Variants in MEIS2 observed in about 807,000 individuals in gnomAD.
MEIS2 encodes Meis homeobox 2.
Under a neutral mutation model 58.6 loss-of-function variants are expected in MEIS2, and 9 were observed. The ratio of observed to expected loss-of-function variants is 0.15; its 90% CI spans 0.09 to 0.27. The LOEUF is 0.27. Among genes scored for constraint, MEIS2 ranks in the 10% least tolerant of loss-of-function variants. MEIS2 has a pLI of 1.00. For missense variants in MEIS2, 427 were observed against 635.0 expected (o/e 0.67, Z 3.52); for synonymous variants, 221 against 228.4 (o/e 0.97, Z 0.29).
chr15:36,924,145 A>G (rs964597623), intron 9 of MEIS2, among the ~76,000 whole-genome samples: 1 of 152,206 alleles, frequency 6.6e-6, no homozygotes, highest in Non-Finnish European at 1.5e-5. Context: ...TTCATAAGCA[A>G]GAGTAGATAT....
At chr15:37,029,753 A>AT (rs2061840928) in intron 8 of MEIS2, among the ~76,000 whole-genome samples, 1 of 152,228 alleles carries the variant, frequency 6.6e-6, no homozygotes, top group Non-Finnish European at 1.5e-5. Context: ...CCAATCAGCT[A>AT]AATAGGGCAG....
At chr15:37,023,074 A>C (rs1016938114) in intron 8 of MEIS2, among the ~76,000 whole-genome samples, 9 of 152,162 alleles carry the variant, frequency 5.9e-5, no homozygotes, top group African/African-American at 2.2e-4. Context: ...TATTTTGTAT[A>C]TGCTGTTTTC....
chr15:36,892,840 C>T (rs1308231218), intron 11 of MEIS2, among the ~76,000 whole-genome samples: 3 of 152,050 alleles, frequency 2.0e-5, no homozygotes, highest in African/African-American at 4.8e-5. Flanking sequence ...TAGACCTGGA[C>T]AAAAATTGTA....
At chr15:36,913,995 T>C (rs1455437872) in intron 9 of MEIS2, among the ~76,000 whole-genome samples, 1 of 152,224 alleles carries the variant, frequency 6.6e-6, no homozygotes, top group Non-Finnish European at 1.5e-5. Context: ...CCATAGTTTC[T>C]TGGCCACTTC....
chr15:36,917,358 T>C (rs906621041), intron 9 of MEIS2, among the ~76,000 whole-genome samples: 1 of 152,162 alleles, frequency 6.6e-6, no homozygotes, highest in African/African-American at 2.4e-5. Flanking sequence ...TGGAATTCTG[T>C]AGTGGTTGGC....
intron 8 of MEIS2, among the ~76,000 whole-genome samples, chr15:37,028,335 C>A (rs2061781620): frequency 6.6e-6 from 1 of 152,212 alleles, no homozygotes; most frequent in African/African-American, 2.4e-5. Context: ...ACCATGTGAA[C>A]AAAGGCTGCT....
At chr15:37,063,992 T>C (rs557840384) in intron 7 of MEIS2, among the ~76,000 whole-genome samples, 1 of 152,308 alleles carries the variant, frequency 6.6e-6, no homozygotes, top group East Asian at 1.9e-4. Context: ...AAACGATTTT[T>C]TTGTCCCATA....
chr15:36,955,906 G>A (rs750670374), intron 8 of MEIS2, among the ~76,000 whole-genome samples: 35 of 151,396 alleles, frequency 2.3e-4, no homozygotes, highest in East Asian at 9.7e-4. Context: ...GGCCGGGTGC[G>A]GTGGCTCATG....
At chr15:37,079,936 T>G (rs1383490557) in intron 7 of MEIS2, among the ~76,000 whole-genome samples, 1 of 152,142 alleles carries the variant, frequency 6.6e-6, no homozygotes, top group Non-Finnish European at 1.5e-5. Context: ...CAGCAGTTAC[T>G]GGGCCAACTG....
chr15:37,008,793 A>G (rs1326766327), intron 8 of MEIS2, among the ~76,000 whole-genome samples: 2 of 152,230 alleles, frequency 1.3e-5, no homozygotes, highest in Non-Finnish European at 2.9e-5. Flanking sequence ...CATAAGTGCC[A>G]GAACGCATTA....
chr15:36,914,143 A>G lies in MEIS2; in HGVS notation c.978-17457T>C, dbSNP rs74011016. Among the ~76,000 whole-genome samples the G allele has an allele frequency of 9.2e-3, 1,404 of 152,322 alleles. 17 individuals carry two copies. Among genetic ancestry groups the G allele is most frequent in the African/African-American group, 0.03 (1,266 of 41,582 alleles). ...TACACCCCACTGTTGGTCTCTGAGC[A>G]GCACTAGCCACCAACAGTACTGAAA... On this transcript the variant is annotated intron_variant, in intron 9 of 11. Coordinates refer to ENST00000561208, the MANE Select transcript of MEIS2 (RefSeq NM_170675.5).
At chr15:37,096,616 T>A in intron 2 of MEIS2, 186 bp from the exon 3 acceptor site, 1 of 596,644 alleles carries the variant, frequency 1.7e-6, no homozygotes, top group Non-Finnish European at 2.6e-6. Flanking sequence ...GAAAAGGGCC[T>A]GGCCCTCTCC....
intron 8 of MEIS2, among the ~76,000 whole-genome samples, chr15:36,961,614 T>A (rs1390633104): frequency 6.6e-6 from 1 of 152,172 alleles, no homozygotes; most frequent in African/African-American, 2.4e-5. Flanking sequence ...AATATTAATA[T>A]GTGGCTTTTT....
intron 9 of MEIS2, among the ~76,000 whole-genome samples, chr15:36,901,716 C>T (rs2056483977): frequency 1.3e-5 from 2 of 152,134 alleles, no homozygotes; most frequent in Non-Finnish European, 2.9e-5. Flanking sequence ...TCTGGAATCA[C>T]AACATTTTGT....
intron 8 of MEIS2, among the ~76,000 whole-genome samples, chr15:37,013,072 C>T (rs1443572778): frequency 6.6e-6 from 1 of 152,114 alleles, no homozygotes; most frequent in African/African-American, 2.4e-5. Context: ...GATTCTTCTT[C>T]CCTAGGACTC....
intron 7 of MEIS2, among the ~76,000 whole-genome samples, chr15:37,065,659 C>T (rs1036679054): frequency 2.0e-5 from 3 of 152,188 alleles, no homozygotes; most frequent in African/African-American, 7.2e-5. Flanking sequence ...CTAGAGAACA[C>T]TTCCAGTAGG....
intron 9 of MEIS2, among the ~76,000 whole-genome samples, chr15:36,947,473 T>A (rs1402256547): frequency 6.6e-6 from 1 of 152,024 alleles, no homozygotes; most frequent in African/African-American, 2.4e-5. Context: ...GAAGCCATGT[T>A]CCATCGCTTG....
At chr15:36,964,663 C>T (rs1471723135) in intron 8 of MEIS2, among the ~76,000 whole-genome samples, 1 of 152,120 alleles carries the variant, frequency 6.6e-6, no homozygotes, top group African/African-American at 2.4e-5. Context: ...TCATAATAGT[C>T]TGGGCAGAAG....
intron 9 of MEIS2, among the ~76,000 whole-genome samples, chr15:36,904,716 C>G (rs1243877414): frequency 1.3e-5 from 2 of 151,618 alleles, no homozygotes; most frequent in African/African-American, 4.8e-5. Context: ...TCATTGAGAG[C>G]TGGGTAAACG....
Sources: gnomAD v4.1 joint callset for allele counts (sites outside exome capture counted in the v4.1 genomes callset) on GRCh38, gnomAD v4.1.1 for gene constraint, MANE v1.5 for transcripts, NCBI Gene and HGNC (gene_info 2026-07-23, HGNC 2026-07-21) for gene names.